The following GRB10 variants were observed in gnomAD, a reference collection of about 807,000 sequenced individuals.
The protein encoded by GRB10 is growth factor receptor bound protein 10.
Under a neutral mutation model 80.9 loss-of-function variants are expected in GRB10, and 20 were observed. The observed-to-expected ratio is 0.25, with a 90% CI of 0.17 to 0.36. GRB10 has a LOEUF of 0.36. Ranked by LOEUF, GRB10 falls within the 10% of genes least tolerant of loss-of-function variation. The pLI, the probability that GRB10 is intolerant of heterozygous loss-of-function variation, is 1.00. For synonymous variants in GRB10, 291 were observed against 291.5 expected (o/e 1.00, Z 0.02); for missense variants, 548 against 747.7 (o/e 0.73, Z 3.12).
At chr7:50,609,541 A>G (rs566291905) in intron 13 of GRB10, among the ~76,000 whole-genome samples, 2 of 152,330 alleles carry the variant, frequency 1.3e-5, no homozygotes, top group African/African-American at 4.8e-5. Flanking sequence ...GTAGACAGAA[A>G]AGATTAAATG....
chr7:50,655,889 T>A (rs1164825613), intron 7 of GRB10, among the ~76,000 whole-genome samples: 1 of 152,232 alleles, frequency 6.6e-6, no homozygotes, highest in Non-Finnish European at 1.5e-5. Flanking sequence ...GGATTCCTCA[T>A]CTTCGGCCCC....
rs762301020 is a variant in GRB10, at chr7:50,619,223, TACTCTC to T, written c.718_723del (p.Glu240_Ser241del). On this transcript the variant is annotated inframe_deletion, in exon 9 of 19. Coordinates refer to ENST00000401949, the MANE Select transcript of GRB10 (RefSeq NM_001350814.2). ...GCGTAATTCTTCCTGAATAGAAATT[TACTCTC>T]ACTGGCCATGGTACTCTCCACCTGG... 1 of 1,613,886 alleles carries T rather than the reference TACTCTC, an allele frequency of 6.2e-7. No individual in the cohort carries two copies. The highest frequency in any genetic ancestry group is 1.7e-5 in the Admixed American group (1 of 60,036).
At position 50,645,206 on chromosome 7, in the gene GRB10, T is replaced by A. The variant is rs57092570; in HGVS notation, c.505-18228A>T. ...CTAATAATCTTTATACTGCCCATAA[T>A]TCATTTTTTAAAAAGCAAGCTTACA... On this transcript the variant is annotated intron_variant, in intron 7 of 18. Coordinates refer to ENST00000401949, the MANE Select transcript of GRB10 (RefSeq NM_001350814.2). Among the ~76,000 whole-genome samples the A allele has an allele frequency of 5.6e-3, 853 of 152,348 alleles. 9 individuals are homozygous for A. Among genetic ancestry groups the A allele is most frequent in the African/African-American group, 0.019 (806 of 41,564 alleles).
chr7:50,672,349 T>A (rs1190966323), intron 6 of GRB10, among the ~76,000 whole-genome samples: 1 of 152,216 alleles, frequency 6.6e-6, no homozygotes, highest in Non-Finnish European at 1.5e-5. Context: ...TAACCCACAC[T>A]GCCTCCCTCC....
intron 7 of GRB10, among the ~76,000 whole-genome samples, chr7:50,631,006 C>T (rs1208894665): frequency 6.6e-6 from 1 of 152,096 alleles, no homozygotes; most frequent in African/African-American, 2.4e-5. Context: ...GAAGGTAGAT[C>T]ATTATATCTC....
At chr7:50,653,425 C>T (rs2058236811) in intron 7 of GRB10, among the ~76,000 whole-genome samples, 1 of 152,244 alleles carries the variant, frequency 6.6e-6, no homozygotes, top group Non-Finnish European at 1.5e-5. Context: ...CGGCCAGCCC[C>T]ACCCGCTGCA....
chr7:50,739,178 G>A (rs2071313682), intron 3 of GRB10, among the ~76,000 whole-genome samples: 1 of 152,114 alleles, frequency 6.6e-6, no homozygotes, highest in South Asian at 2.1e-4. Flanking sequence ...GATTATATGG[G>A]TTGTTTTTTG....
chr7:50,651,305 G>A, intron 7 of GRB10, among the ~76,000 whole-genome samples: 1 of 152,310 alleles, frequency 6.6e-6, no homozygotes, highest in South Asian at 2.1e-4. Context: ...TCCTCCCGAG[G>A]TCTGGAGGGA....
At chr7:50,660,058 A>C (rs2059083143) in intron 7 of GRB10, among the ~76,000 whole-genome samples, 1 of 152,124 alleles carries the variant, frequency 6.6e-6, no homozygotes. Context: ...TTAAGAGCAC[A>C]TGTCTCGTGG....
intron 7 of GRB10, among the ~76,000 whole-genome samples, chr7:50,661,550 A>G (rs1472931276): frequency 6.6e-6 from 1 of 152,204 alleles, no homozygotes; most frequent in East Asian, 1.9e-4. Flanking sequence ...TCCTAATAGC[A>G]TTACTATACT....
In GRB10 at chr7:50,674,614, A is replaced by G; in HGVS notation, c.184T>C (p.Ser62Pro). ...CAGGCCGAGTACAGGCTCTCCAGGG[A>G]TGCATTCATATCGTTCACCAGGGCT... ...LEALVNDMNA[S>P]LESLYSACSM... The change falls in exon 6 of 19, where the codon TCC becomes CCC. Residue 62 changes from serine to proline, a missense_variant. Ser to Pro is a moderately conservative substitution (Grantham distance 74). Around this residue, in one of 4 missense-constraint regions of GRB10, gnomAD observed 245 missense variants for 229.3 expected, o/e 1.07. Coordinates refer to ENST00000401949, the MANE Select transcript of GRB10 (RefSeq NM_001350814.2). The G allele has an allele frequency of 6.2e-7, 1 of 1,613,864 alleles. No individual in the cohort carries two copies. Among genetic ancestry groups the G allele is most frequent in the Non-Finnish European group, 8.5e-7 (1 of 1,180,040 alleles).
In GRB10 at chr7:50,724,570, G is replaced by A. The variant is rs1042791770; in HGVS notation, c.51+7702C>T. Among the ~76,000 whole-genome samples, 11 of 152,148 alleles carry A rather than the reference G, an allele frequency of 7.2e-5. No homozygotes were observed. In the South Asian group the frequency reaches 1.5e-3, roughly 20 times the overall value. ...GGAGGATGGGTCCTGAAGGGAGAGC[G>A]TGAGCCGCCCAGCTCTGAGCTGGTC... On this transcript the variant is annotated intron_variant, in intron 4 of 18. Transcript: ENST00000401949.
At chr7:50,599,521 C>G (rs896384174) in intron 17 of GRB10, among the ~76,000 whole-genome samples, 6 of 152,178 alleles carry the variant, frequency 3.9e-5, no homozygotes, top group Admixed American at 3.3e-4. Context: ...CTGAATCAAT[C>G]CCATTATCTG....
intron 7 of GRB10, among the ~76,000 whole-genome samples, chr7:50,643,357 C>T (rs2056630243): frequency 6.6e-6 from 1 of 152,142 alleles, no homozygotes; most frequent in Admixed American, 6.5e-5. Flanking sequence ...TGCCTGTGGG[C>T]CACAGCCTCC....
Position 50,654,375 on chromosome 7 carries a change from C to T in GRB10, c.504+15347G>A, listed in dbSNP as rs115853549. Among the ~76,000 whole-genome samples the T allele has an allele frequency of 2.8e-3, 422 of 152,280 alleles. 2 individuals carry two copies. Among genetic ancestry groups the T allele is most frequent in the African/African-American group, 9.6e-3 (397 of 41,560 alleles). On this transcript the variant is annotated intron_variant, in intron 7 of 18. Transcript: ENST00000401949. ...AAATATTCTCCTGCCTTCAGGTGGC[C>T]GCTGCCAAGCCTCACAGAGTCCCAG...
intron 4 of GRB10, among the ~76,000 whole-genome samples, chr7:50,720,839 T>G (rs1428052571): frequency 1.3e-5 from 2 of 152,160 alleles, no homozygotes. Flanking sequence ...TACTGCTTGT[T>G]TAAAATAGCA....
intron 1 of GRB10, among the ~76,000 whole-genome samples, chr7:50,790,584 G>T (rs1038092178): frequency 6.6e-6 from 1 of 152,242 alleles, no homozygotes; most frequent in Non-Finnish European, 1.5e-5. Flanking sequence ...CCAGGGAGCA[G>T]GACCAAAATC....
intron 2 of GRB10, among the ~76,000 whole-genome samples, chr7:50,762,556 C>T (rs2075877733): frequency 6.6e-6 from 1 of 152,012 alleles, no homozygotes; most frequent in South Asian, 2.1e-4. Flanking sequence ...GAGAATGCAG[C>T]CAGAGGTGAA....
chr7:50,628,341 T>G (rs1201469616), intron 7 of GRB10, among the ~76,000 whole-genome samples: 1 of 152,142 alleles, frequency 6.6e-6, no homozygotes, highest in Non-Finnish European at 1.5e-5. Context: ...CTGGCCCCTT[T>G]TCTTGTGTTT....
Sources: gnomAD v4.1 joint callset for allele counts (sites outside exome capture counted in the v4.1 genomes callset) on GRCh38, gnomAD v4.1.1 for gene constraint, gnomAD v4.1.1 regional missense constraint, MANE v1.5 for transcripts, NCBI Gene and HGNC (gene_info 2026-07-23, HGNC 2026-07-21) for gene names.